The following SQOR variants were observed in gnomAD, a reference collection of about 807,000 sequenced individuals.
The protein encoded by SQOR is sulfide quinone oxidoreductase.
SQOR carries 39 observed loss-of-function variants against 48.6 expected under a neutral mutation model. The observed-to-expected ratio is 0.80, with a 90% confidence interval of 0.62 to 1.05. The LOEUF (loss-of-function observed/expected upper bound fraction) is 1.05, where lower values mean the gene tolerates loss of function less well. Among genes scored for constraint, SQOR ranks in the 50% least tolerant of loss-of-function variants. The probability of loss-of-function intolerance (pLI) is 0.00; values close to 1 mark genes in which losing one functional copy is unlikely to be tolerated. For synonymous variants in SQOR, 220 were observed against 206.2 expected, an observed-to-expected ratio of 1.07 and a Z score of -0.57; for missense variants, 561 against 559.9, an observed-to-expected ratio of 1.00 and a Z score of -0.02.
intron 3 of SQOR, among the ~76,000 whole-genome samples, chr15:45,669,177 AAT>A (rs1491567468): frequency 7.5e-6 from 1 of 132,630 alleles, no homozygotes; most frequent in African/African-American, 2.7e-5. Flanking sequence ...ATTTTTTTTT[AAT>A]TTTTTTTTGA....
At chr15:45,672,893 G>A (rs1045595411) in intron 4 of SQOR, among the ~76,000 whole-genome samples, 2 of 152,192 alleles carry the variant, frequency 1.3e-5, no homozygotes, top group African/African-American at 4.8e-5. Context: ...TCAAACCTGA[G>A]TGTGCATCTG....
chr15:45,645,908 G>C (rs945251873), intron 1 of SQOR: 1 of 152,180 alleles, frequency 6.6e-6, no homozygotes, highest in Admixed American at 6.5e-5. Flanking sequence ...GTTCCAGGAG[G>C]CAGCCAGCTT....
intron 1 of SQOR, among the ~76,000 whole-genome samples, chr15:45,638,224 C>T (rs1435073332): frequency 6.6e-6 from 1 of 152,340 alleles, no homozygotes; most frequent in Admixed American, 6.5e-5. Context: ...AGGGCAAATA[C>T]TGGTGTTATG....
At chr15:45,643,390 T>C (rs1895139795) in intron 1 of SQOR, among the ~76,000 whole-genome samples, 1 of 152,104 alleles carries the variant, frequency 6.6e-6, no homozygotes, top group African/African-American at 2.4e-5. Flanking sequence ...ACAGATAGGG[T>C]TTCACTGTGT....
intron 7 of SQOR, among the ~76,000 whole-genome samples, chr15:45,683,854 A>ATG (rs79144382): frequency 0.023 from 3,421 of 149,122 alleles, 131 homozygotes; most frequent in African/African-American, 0.076. Flanking sequence ...TGTATATATT[A>ATG]TGTGTGTGTG....
intron 4 of SQOR, among the ~76,000 whole-genome samples, chr15:45,672,787 T>A (rs1889967541): frequency 6.6e-6 from 1 of 152,252 alleles, no homozygotes; most frequent in African/African-American, 2.4e-5. Flanking sequence ...GCCATGTGCA[T>A]GTGTCCTGTA....
rs148739927 is a variant in SQOR, at chr15:45,674,816, G to T, written c.654+1015G>T. On this transcript the variant is annotated intron_variant, in intron 5 of 9. Transcript: ENST00000260324. ...TTCTTGCCCTCCCTGCTCTTGCCTGGGGTTTGACATTTAGTTTACCAAAGT... is the reference window on the plus strand; with the variant it reads ...TTCTTGCCCTCCCTGCTCTTGCCTGTGGTTTGACATTTAGTTTACCAAAGT... 7.6e-3 allele frequency among the ~76,000 whole-genome samples: 1,164 copies of T among 152,290 alleles called. 20 individuals carry two copies. The highest frequency in any genetic ancestry group is 0.027 in the African/African-American group (1,121 of 41,578).
At chr15:45,633,689 G>T (rs1167103350), upstream of SQOR, among the ~76,000 whole-genome samples, 1 of 108,498 alleles carries the variant, frequency 9.2e-6, no homozygotes, top group African/African-American at 3.9e-5. Flanking sequence ...GTGAGACTTC[G>T]CCTCAAAAAA....
chr15:45,640,566 C>T (rs116919272), intron 1 of SQOR, among the ~76,000 whole-genome samples: 1 of 152,274 alleles, frequency 6.6e-6, no homozygotes, highest in East Asian at 1.9e-4. Context: ...CCAACTATGT[C>T]CAAATAGCAA....
At chr15:45,654,943 A>G (rs1889567146) in intron 1 of SQOR, among the ~76,000 whole-genome samples, 1 of 152,088 alleles carries the variant, frequency 6.6e-6, no homozygotes. Context: ...CTTTCCCCTT[A>G]GTTGGGGCCA....
chr15:45,651,874 TCTC>T (rs941737874), intron 1 of SQOR, among the ~76,000 whole-genome samples: 3 of 152,002 alleles, frequency 2.0e-5, no homozygotes, highest in African/African-American at 4.8e-5. Context: ...TTCTCCTCCT[TCTC>T]CTTCTTCTTC....
chr15:45,652,408 C>T (rs1416004584), intron 1 of SQOR, among the ~76,000 whole-genome samples: 7 of 152,104 alleles, frequency 4.6e-5, no homozygotes, highest in Admixed American at 3.3e-4. Flanking sequence ...GATCTCAGCT[C>T]ACAGCCACCA....
intron 2 of SQOR, among the ~76,000 whole-genome samples, chr15:45,661,289 T>TAAAAAAAAAAAAAAAAAAA (rs777334925): frequency 1.1e-4 from 9 of 84,376 alleles, no homozygotes; most frequent in South Asian, 4.4e-4. Context: ...AGACTCTGTC[T>TAAAAAAAAAAAAAAAAAAA]TAAAAAAAAA....
chr15:45,679,518 A>T (rs1566922825), intron 6 of SQOR, among the ~76,000 whole-genome samples: 3 of 152,144 alleles, frequency 2.0e-5, no homozygotes, highest in Non-Finnish European at 4.4e-5. Context: ...CCTGGCCAAG[A>T]TGGTGAAACC....
At chr15:45,661,029 C>G (rs1057158611) in intron 2 of SQOR, among the ~76,000 whole-genome samples, 1 of 152,118 alleles carries the variant, frequency 6.6e-6, no homozygotes, top group Non-Finnish European at 1.5e-5. Context: ...GGGCTGTAAT[C>G]CCAGCACTTT....
chr15:45,683,345 AC>A (rs1028098809), intron 7 of SQOR, among the ~76,000 whole-genome samples: 46 of 152,376 alleles, frequency 3.0e-4, no homozygotes, highest in African/African-American at 1.1e-3. Flanking sequence ...CCCAGAAAAC[AC>A]ATGGAAGTCA....
chr15:45,658,918 C>G lies in SQOR; in HGVS notation c.-6C>G, dbSNP rs1889665917. 3.9e-6 allele frequency: 6 copies of G among 1,546,100 alleles called. No homozygotes were observed. The Admixed American group carries it at 1.1e-4, about 29-fold the overall frequency. ...CTCTTCCCTTCCAGCCTGATCCTGC[C>G]TGAAGATGGTGCCACTGGTGGCTGT... On this transcript the variant is annotated 5_prime_UTR_variant, in exon 2 of 10. Coordinates refer to ENST00000260324, the MANE Select transcript of SQOR (RefSeq NM_021199.4).
chr15:45,677,467 A>G (rs1183562697), intron 6 of SQOR, among the ~76,000 whole-genome samples: 1 of 152,056 alleles, frequency 6.6e-6, no homozygotes, highest in Non-Finnish European at 1.5e-5. Context: ...TGTTTGTAGC[A>G]TTTTTTCCTC....
chr15:45,670,960 C>T (rs1224951809), intron 4 of SQOR, among the ~76,000 whole-genome samples: 1 of 152,202 alleles, frequency 6.6e-6, no homozygotes, highest in Non-Finnish European at 1.5e-5. Flanking sequence ...AAGGCCCCCA[C>T]AGTGTTGACC....
Sources: gnomAD v4.1 joint callset for allele counts (sites outside exome capture counted in the v4.1 genomes callset) on GRCh38, gnomAD v4.1.1 for gene constraint, MANE v1.5 for transcripts, NCBI Gene and HGNC (gene_info 2026-07-23, HGNC 2026-07-21) for gene names.